DPP10: variants seen among roughly 807,000 people sequenced by gnomAD.
DPP10 encodes the protein inactive dipeptidyl peptidase 10.
DPP10 carries 33 observed loss-of-function variants against 120.9 expected under a neutral mutation model. The ratio of observed to expected loss-of-function variants is 0.27; its 90% CI spans 0.21 to 0.37. The LOEUF is 0.37. Among genes scored for constraint, DPP10 ranks in the 10% least tolerant of loss-of-function variants. DPP10 has a pLI of 1.00. For synonymous variants in DPP10, 337 were observed against 326.1 expected (o/e 1.03, Z -0.36); for missense variants, 816 against 942.8 (o/e 0.87, Z 1.76).
chr2:115,216,762 G>C (rs996424104), intron 1 of DPP10, among the ~76,000 whole-genome samples: 1 of 152,034 alleles, frequency 6.6e-6, no homozygotes, highest in Admixed American at 6.5e-5. Flanking sequence ...TCCAGCCTGG[G>C]CAATGGAGTG....
intron 1 of DPP10, among the ~76,000 whole-genome samples, chr2:114,753,908 C>CAAACAAAAA (rs1553419763): frequency 3.0e-5 from 1 of 33,768 alleles, no homozygotes; most frequent in African/African-American, 8.9e-5. Flanking sequence ...GACTCCTTCT[C>CAAACAAAAA]AAAAAAAAAA....
intron 1 of DPP10, among the ~76,000 whole-genome samples, chr2:114,494,442 A>G (rs1487383860): frequency 6.6e-6 from 1 of 152,182 alleles, no homozygotes. Context: ...TTGGAGAGAT[A>G]TTTCAGGCCA....
intron 3 of DPP10, among the ~76,000 whole-genome samples, chr2:115,377,680 T>A (rs2065922862): frequency 6.6e-6 from 1 of 152,116 alleles, no homozygotes. Flanking sequence ...GTTTTTATGG[T>A]TTTAGGTTTA....
intron 5 of DPP10, among the ~76,000 whole-genome samples, chr2:115,581,069 C>T (rs1199628707): frequency 3.3e-5 from 5 of 152,104 alleles, no homozygotes; most frequent in Non-Finnish European, 5.9e-5. Flanking sequence ...CTAAATTCTC[C>T]GTACGTCTAG....
chr2:115,712,982 G>A (rs1004686011), intron 7 of DPP10, among the ~76,000 whole-genome samples: 1 of 151,962 alleles, frequency 6.6e-6, no homozygotes, highest in African/African-American at 2.4e-5. Context: ...TCTAGACCAT[G>A]AAAACAAATT....
intron 1 of DPP10, among the ~76,000 whole-genome samples, chr2:114,472,354 G>A (rs573274068): frequency 7.2e-5 from 11 of 152,256 alleles, no homozygotes; most frequent in Admixed American, 4.6e-4. Flanking sequence ...GATGGTAAAA[G>A]ATTTATTTCA....
At chr2:114,932,682 G>T (rs1287241687) in intron 1 of DPP10, among the ~76,000 whole-genome samples, 4 of 152,258 alleles carry the variant, frequency 2.6e-5, no homozygotes, top group African/African-American at 7.2e-5. Flanking sequence ...GAAGAGAAAT[G>T]AAATCTTCCG....
chr2:115,587,089 C>CTTTTTTTTTTTTTTTTTTTT (rs756810925), intron 5 of DPP10, among the ~76,000 whole-genome samples: 80 of 103,906 alleles, frequency 7.7e-4, no homozygotes, highest in South Asian at 1.0e-3. Flanking sequence ...TTTTCTCTTT[C>CTTTTTTTTTTTTTTTTTTTT]TTTTTTTTTT....
At chr2:115,261,993 T>C (rs562988069) in intron 1 of DPP10, among the ~76,000 whole-genome samples, 1 of 152,226 alleles carries the variant, frequency 6.6e-6, no homozygotes, top group African/African-American at 2.4e-5. Context: ...CCACATGCCA[T>C]CTCCCTCCAA....
intron 1 of DPP10, among the ~76,000 whole-genome samples, chr2:114,792,418 C>G (rs527539815): frequency 6.6e-6 from 1 of 152,258 alleles, no homozygotes; most frequent in African/African-American, 2.4e-5. Context: ...TTTTTCATCT[C>G]TAGAAAAAGT....
chr2:114,893,273 T>A (rs1288964952), intron 1 of DPP10, among the ~76,000 whole-genome samples: 1 of 152,172 alleles, frequency 6.6e-6, no homozygotes, highest in Non-Finnish European at 1.5e-5. Context: ...ATATTGCGTA[T>A]CTATTATGAG....
intron 1 of DPP10, among the ~76,000 whole-genome samples, chr2:115,123,380 T>C (rs985816163): frequency 2.0e-5 from 3 of 152,152 alleles, no homozygotes; most frequent in Admixed American, 2.0e-4. Flanking sequence ...ATTCTTCCCT[T>C]GGGGTGGCCT....
intron 1 of DPP10, among the ~76,000 whole-genome samples, chr2:115,256,083 C>G (rs1336916628): frequency 1.3e-5 from 2 of 152,092 alleles, no homozygotes; most frequent in African/African-American, 4.8e-5. Context: ...ATACATGAGA[C>G]CGGGTAATTT....
intron 1 of DPP10, among the ~76,000 whole-genome samples, chr2:115,124,406 T>A (rs1384244243): frequency 6.6e-6 from 1 of 152,232 alleles, no homozygotes; most frequent in Non-Finnish European, 1.5e-5. Flanking sequence ...TATCTGATCT[T>A]GAGCAGCAGT....
At chr2:115,701,830 T>C (rs1462385062) in intron 7 of DPP10, among the ~76,000 whole-genome samples, 1 of 152,040 alleles carries the variant, frequency 6.6e-6, no homozygotes, top group African/African-American at 2.4e-5. Flanking sequence ...AAAAAATATG[T>C]AAATGGCCAA....
chr2:114,909,491 C>T (rs1694206261), intron 1 of DPP10, among the ~76,000 whole-genome samples: 1 of 151,884 alleles, frequency 6.6e-6, no homozygotes, highest in African/African-American at 2.4e-5. Context: ...GATAAGACTC[C>T]ACAAAAATCC....
chr2:115,198,102 A>T (rs184818639), intron 1 of DPP10, among the ~76,000 whole-genome samples: 195 of 152,332 alleles, frequency 1.3e-3, no homozygotes, highest in Non-Finnish European at 2.3e-3. Context: ...CTTAGTAATC[A>T]TATTAATCTT....
chr2:115,767,476 T>TGTGTGTGTGTGTATATATATATACACATA (rs1680908604), intron 12 of DPP10, among the ~76,000 whole-genome samples: 6 of 39,294 alleles, frequency 1.5e-4, no homozygotes, highest in African/African-American at 2.9e-4. Flanking sequence ...TACATATATG[T>TGTGTGTGTGTGTATATATATATACACATA]GTGTGTGTGT....
At position 115,177,567 on chromosome 2, in the gene DPP10, C is replaced by T. The variant is rs374952054; in HGVS notation, c.61-131672C>T. Among the ~76,000 whole-genome samples, 154 of 152,294 alleles carry T rather than the reference C, an allele frequency of 1.0e-3. 1 individual carries two copies. Among genetic ancestry groups the T allele is most frequent in the African/African-American group, 2.9e-3 (122 of 41,568 alleles). On this transcript the variant is annotated intron_variant, in intron 1 of 25. Transcript: ENST00000410059. Reference sequence around the variant, plus strand: ...ACGTCTCCTTCCCAGAGTTGTTCCCCAGCTGTGCAGCTCCTCATTCTGTCA... The same window carrying T: ...ACGTCTCCTTCCCAGAGTTGTTCCCTAGCTGTGCAGCTCCTCATTCTGTCA...
Sources: gnomAD v4.1 joint callset for allele counts (sites outside exome capture counted in the v4.1 genomes callset) on GRCh38, gnomAD v4.1.1 for gene constraint, MANE v1.5 for transcripts, NCBI Gene and HGNC (gene_info 2026-07-23, HGNC 2026-07-21) for gene names.